ADGRB3: variants seen among roughly 807,000 people sequenced by gnomAD.
ADGRB3 encodes brain-specific angiogenesis inhibitor 3.
A neutral mutation model predicts 193.4 loss-of-function variants in ADGRB3; 37 were observed. The observed-to-expected ratio is 0.19, with a 90% CI of 0.15 to 0.25. The LOEUF is 0.25. Ranked by LOEUF, ADGRB3 falls within the 10% of genes least tolerant of loss-of-function variation. ADGRB3 has a pLI of 1.00. For missense variants in ADGRB3, 1,637 were observed against 1,852.9 expected, an observed-to-expected ratio of 0.88 and a Z score of 2.14; for synonymous variants, 690 against 644.2, an observed-to-expected ratio of 1.07 and a Z score of -1.08.
At chr6:69,357,522 A>G (rs1769361122) in intron 28 of ADGRB3, among the ~76,000 whole-genome samples, 1 of 151,976 alleles carries the variant, frequency 6.6e-6, no homozygotes, top group Non-Finnish European at 1.5e-5. Context: ...GAAACCTAGT[A>G]GAGAAACCTG....
chr6:69,323,100 ATTTC>A (rs1768496957), intron 20 of ADGRB3, among the ~76,000 whole-genome samples: 2 of 152,020 alleles, frequency 1.3e-5, no homozygotes, highest in South Asian at 4.1e-4. Context: ...ACATGTCATT[ATTTC>A]TTATAAAATT....
chr6:68,878,019 C>CT (rs1687080553), intron 3 of ADGRB3, among the ~76,000 whole-genome samples: 1 of 152,044 alleles, frequency 6.6e-6, no homozygotes, highest in African/African-American at 2.4e-5. Context: ...GAGTGCTTAA[C>CT]TTTTACAGAG....
At chr6:68,906,219 C>A (rs935868278) in intron 3 of ADGRB3, among the ~76,000 whole-genome samples, 3 of 151,384 alleles carry the variant, frequency 2.0e-5, no homozygotes, top group African/African-American at 4.8e-5. Flanking sequence ...ATTTCTAATT[C>A]TTCAGTATAT....
At chr6:68,809,397 C>A (rs13190871) in intron 3 of ADGRB3, among the ~76,000 whole-genome samples, 15,548 of 152,222 alleles carry the variant, frequency 0.1, 923 homozygotes, top group Middle Eastern at 0.15. Flanking sequence ...AACATATTTA[C>A]TATAAATCTA....
At chr6:69,180,788 C>G (rs1775559960) in intron 17 of ADGRB3, among the ~76,000 whole-genome samples, 1 of 152,186 alleles carries the variant, frequency 6.6e-6, no homozygotes, top group South Asian at 2.1e-4. Flanking sequence ...CTACCCGACT[C>G]CAGAGTACGT....
intron 17 of ADGRB3, among the ~76,000 whole-genome samples, chr6:69,190,014 C>T (rs183544430): frequency 1.2e-3 from 185 of 152,138 alleles, no homozygotes; most frequent in African/African-American, 4.2e-3. Context: ...AACAAACATA[C>T]GGTATTGCCT....
chr6:69,111,049 T>A (rs969562150), intron 17 of ADGRB3, among the ~76,000 whole-genome samples: 6 of 152,250 alleles, frequency 3.9e-5, no homozygotes, highest in South Asian at 2.1e-4. Flanking sequence ...ATAATTTTAG[T>A]TTTTATCAAC....
At chr6:68,772,889 AAAAAAATATAT>A (rs1445000245) in intron 3 of ADGRB3, among the ~76,000 whole-genome samples, 1,434 of 43,522 alleles carry the variant, frequency 0.033, 48 homozygotes, top group East Asian at 0.19. Flanking sequence ...AAACAAAAAA[AAAAAAATATAT>A]ATATATATAT....
In ADGRB3 at chr6:68,975,307, C is replaced by G; in HGVS notation, c.1701C>G (p.Cys567Trp). 6.2e-7 allele frequency: 1 copy of G among 1,613,938 alleles called. No homozygotes were observed. The highest frequency in any genetic ancestry group is 8.5e-7 in the Non-Finnish European group (1 of 1,179,864). ...AFWEQPSFAR[C>W]ISNEYRHLQH... is the part of the protein sequence containing the mutation. ...GGGAACAGCCGAGCTTTGCAAGATG[C>G]ATATCAAATGAGTACAGACACTTGC... The change falls in exon 10 of 32, where the codon TGC (cysteine) becomes TGG (tryptophan). Residue 567 changes from cysteine (C) to tryptophan (W), a missense_variant. Cys to Trp is a radical substitution (Grantham distance 215). This residue lies in a region of ADGRB3 where 641 missense variants were observed against 673.9 expected (regional missense o/e 0.95). Transcript: ENST00000370598.
chr6:69,136,611 T>A (rs1255338889), intron 17 of ADGRB3, among the ~76,000 whole-genome samples: 1 of 142,814 alleles, frequency 7.0e-6, no homozygotes, highest in Non-Finnish European at 1.5e-5. Context: ...TGGTTGTTTT[T>A]CTTTGGTGAT....
At chr6:68,886,118 A>ACAGTAGTGTTAGTTACTTGTT (rs1373076067) in intron 3 of ADGRB3, among the ~76,000 whole-genome samples, 1 of 152,102 alleles carries the variant, frequency 6.6e-6, no homozygotes, top group Non-Finnish European at 1.5e-5. Context: ...TTGTTACAGT[A>ACAGTAGTGTTAGTTACTTGTT]ATAGTAGTGT....
At chr6:68,760,256 TACACATAC>T (rs1207412706) in intron 3 of ADGRB3, among the ~76,000 whole-genome samples, 1 of 152,116 alleles carries the variant, frequency 6.6e-6, no homozygotes, top group African/African-American at 2.4e-5. Context: ...GACAAACACA[TACACATAC>T]ACACATACAC....
chr6:69,157,668 C>A (rs970912881), intron 17 of ADGRB3, among the ~76,000 whole-genome samples: 3 of 149,384 alleles, frequency 2.0e-5, no homozygotes, highest in African/African-American at 2.5e-5. Context: ...AATTTAATTG[C>A]ATTTTTTGCC....
In ADGRB3 at chr6:69,087,244, A is replaced by C. The variant is rs529788766; in HGVS notation, c.2480+11206A>C. Among the ~76,000 whole-genome samples the C allele has an allele frequency of 5.3e-5, 8 of 152,322 alleles. No individual in the cohort carries two copies. In the South Asian group the frequency reaches 1.4e-3, roughly 28 times the overall value. ...CGGTAGTTGAGATTTAAAAGATAAAAAGTTTAACATTACTGTTCTAAATTC... is the reference window on the plus strand; with the variant it reads ...CGGTAGTTGAGATTTAAAAGATAAACAGTTTAACATTACTGTTCTAAATTC... On this transcript the variant is annotated intron_variant, in intron 17 of 31. Transcript: ENST00000370598.
At chr6:68,895,925 A>G (rs9454639) in intron 3 of ADGRB3, among the ~76,000 whole-genome samples, 120,032 of 152,008 alleles carry the variant, frequency 0.79, 47,965 homozygotes, top group Middle Eastern at 0.85. Context: ...ATTATTTATT[A>G]TTAAAAATAT....
chr6:68,718,584 C>T (rs1016176038), intron 3 of ADGRB3, among the ~76,000 whole-genome samples: 1 of 151,704 alleles, frequency 6.6e-6, no homozygotes, highest in Non-Finnish European at 1.5e-5. Flanking sequence ...TCCATATTTA[C>T]TTATTGAGGT....
intron 17 of ADGRB3, among the ~76,000 whole-genome samples, chr6:69,137,477 G>C (rs541940911): frequency 1.9e-4 from 29 of 151,880 alleles, no homozygotes; most frequent in African/African-American, 6.5e-4. Flanking sequence ...TCCGAAACAA[G>C]AGAGTTCACT....
chr6:69,314,811 G>C (rs772629228), intron 20 of ADGRB3, among the ~76,000 whole-genome samples: 8 of 151,410 alleles, frequency 5.3e-5, no homozygotes, highest in Admixed American at 3.3e-4. Context: ...ATAACAAAAG[G>C]CTTCTGATTC....
At chr6:68,977,221 T>A (rs1170434539) in intron 10 of ADGRB3, among the ~76,000 whole-genome samples, 14 of 151,622 alleles carry the variant, frequency 9.2e-5, no homozygotes, top group Non-Finnish European at 2.9e-5. Flanking sequence ...TAAAGCTTCT[T>A]TTATTAATAG....
Sources: gnomAD v4.1 joint callset for allele counts (sites outside exome capture counted in the v4.1 genomes callset) on GRCh38, gnomAD v4.1.1 for gene constraint, gnomAD v4.1.1 regional missense constraint, MANE v1.5 for transcripts, NCBI Gene and HGNC (gene_info 2026-07-23, HGNC 2026-07-21) for gene names.